The following RBM26 variants were observed in gnomAD, a reference collection of about 807,000 sequenced individuals.
RBM26 encodes RNA-binding protein 26.
RBM26 carries 30 observed loss-of-function variants against 123.6 expected under a neutral mutation model. The observed-to-expected ratio is 0.24, with a 90% CI of 0.18 to 0.33. The LOEUF is 0.33. RBM26 is among the 10% of genes least tolerant of loss of function. The pLI is 1.00. For synonymous variants in RBM26, 400 were observed against 404.4 expected (o/e 0.99, Z 0.13); for missense variants, 947 against 1,203.6 (o/e 0.79, Z 3.15).
chr13:79,401,842 A>G (rs1267387767), intron 1 of RBM26, among the ~76,000 whole-genome samples: 1 of 152,350 alleles, frequency 6.6e-6, no homozygotes, highest in African/African-American at 2.4e-5. Context: ...ATCTGGACAC[A>G]GAGATCTTCC....
chr13:79,320,911 T>A lies in RBM26; in HGVS notation c.2935-201A>T, dbSNP rs112708297. 5.9e-5 allele frequency among the ~76,000 whole-genome samples: 9 copies of A among 151,460 alleles called. 1 individual carries two copies. The South Asian group carries it at 1.7e-3, about 28-fold the overall frequency. ...TATATGATCTATTCTATTGCTTGCATGAAACACACTAAACAAATATCAAAT... is the reference window on the plus strand; with the variant it reads ...TATATGATCTATTCTATTGCTTGCAAGAAACACACTAAACAAATATCAAAT... On this transcript the variant is annotated intron_variant, in intron 21 of 21. Coordinates refer to ENST00000438737, the MANE Select transcript of RBM26 (RefSeq NM_001366735.2).
At chr13:79,328,368 C>T (rs1293777857) in intron 20 of RBM26, among the ~76,000 whole-genome samples, 1 of 151,682 alleles carries the variant, frequency 6.6e-6, no homozygotes, top group Non-Finnish European at 1.5e-5. Context: ...TCACATAAGC[C>T]TGGAAAAACT....
chr13:79,364,440 T>C (rs9545087), intron 9 of RBM26, among the ~76,000 whole-genome samples: 44,753 of 152,090 alleles, frequency 0.29, 8,095 homozygotes, highest in Non-Finnish European at 0.41. Flanking sequence ...AGCATGATTT[T>C]TTAATTCTGA....
At chr13:79,371,728 C>T (rs924129925) in intron 4 of RBM26, 114 bp downstream of exon 4, 4 of 703,190 alleles carry the variant, frequency 5.7e-6, no homozygotes, top group Non-Finnish European at 9.7e-6. Context: ...TTTTCCTAGA[C>T]CAATAAAAGA....
chr13:79,313,873 C>T (rs1448250637), downstream of RBM26: 2 of 128,462 alleles, frequency 1.6e-5, no homozygotes, highest in African/African-American at 2.8e-5. Flanking sequence ...AGCTTTGCAC[C>T]AAAAAAAAAA....
chr13:79,345,366 C>G (rs1482857392), intron 14 of RBM26, among the ~76,000 whole-genome samples: 1 of 151,868 alleles, frequency 6.6e-6, no homozygotes, highest in East Asian at 1.9e-4. Flanking sequence ...TCTTTTCTAC[C>G]TAGGTCCTTA....
chr13:79,403,848 C>A (rs1028983962), intron 1 of RBM26, among the ~76,000 whole-genome samples: 1 of 152,174 alleles, frequency 6.6e-6, no homozygotes, highest in Non-Finnish European at 1.5e-5. Flanking sequence ...CAATGACTTC[C>A]ACTTTGCTAA....
chr13:79,378,401 G>A (rs912104555), intron 2 of RBM26, among the ~76,000 whole-genome samples: 1 of 152,036 alleles, frequency 6.6e-6, no homozygotes, highest in Admixed American at 6.6e-5. Flanking sequence ...GCTTCTTACC[G>A]AGTTCCTTTA....
intron 14 of RBM26, 103 bp from the exon 15 acceptor site, chr13:79,344,897 C>T (rs1288750234): frequency 2.0e-6 from 2 of 1,022,450 alleles, no homozygotes; most frequent in African/African-American, 1.7e-5. Context: ...ACTTCAGCTT[C>T]AAAACACACT....
intron 3 of RBM26, among the ~76,000 whole-genome samples, chr13:79,372,850 TA>T (rs1329290559): frequency 0.016 from 1,482 of 91,634 alleles, 399 homozygotes; most frequent in African/African-American, 0.06. Context: ...TATTATATAT[TA>T]TATAAATATA....
downstream of RBM26, among the ~76,000 whole-genome samples, chr13:79,316,383 T>C (rs1374802116): frequency 7.2e-6 from 1 of 139,034 alleles, no homozygotes; most frequent in Non-Finnish European, 1.6e-5. Context: ...ACATGCCAAA[T>C]AAGCAACTGT....
At position 79,319,423 on chromosome 13, in the gene RBM26, T is replaced by A; in HGVS notation, c.*1198A>T. 1.0e-6 allele frequency: 1 copy of A among 984,564 alleles called. No individual in the cohort carries two copies. 61.0% of individuals were successfully genotyped at this position (984,564 alleles called of 1,614,324 possible). A position where few individuals can be genotyped will look rare whatever the true frequency, so the allele number is the denominator to read the frequency against. ...GCCATATCAACTTTCAATGATCATGTTCACTTGCAAAAGAAATCCACTTAA... is the reference window on the plus strand; with the variant it reads ...GCCATATCAACTTTCAATGATCATGATCACTTGCAAAAGAAATCCACTTAA... On this transcript the variant is annotated 3_prime_UTR_variant, in exon 22 of 22. Coordinates refer to ENST00000438737, the MANE Select transcript of RBM26 (RefSeq NM_001366735.2).
At position 79,342,838 on chromosome 13, in the gene RBM26, A is replaced by T. The variant is rs3742118; in HGVS notation, c.2260-7T>A. On this transcript the variant is annotated splice_region_variant and splice_polypyrimidine_tract_variant and intron_variant, in intron 16 of 21. Transcript: ENST00000438737. ...CCAGTTTTGAAATTAACATCTGCCA[A>T]ATTTTTAAAAAGAGAAAAATAAAGC... 756,977 of 1,539,998 alleles carry T rather than the reference A, an allele frequency of 0.49. 189,416 individuals carry two copies. Among genetic ancestry groups the T allele is most frequent in the African/African-American group, 0.56 (40,166 of 72,018 alleles).
intron 14 of RBM26, 21 bp downstream of exon 14, chr13:79,353,132 A>G (rs371468915): frequency 2.3e-5 from 35 of 1,497,380 alleles, no homozygotes; most frequent in Non-Finnish European, 2.9e-5. Flanking sequence ...CAAGACAAAC[A>G]CATCATGCTA....
At chr13:79,392,814 A>G (rs2140426837) in intron 1 of RBM26, among the ~76,000 whole-genome samples, 1 of 151,798 alleles carries the variant, frequency 6.6e-6, no homozygotes, top group Non-Finnish European at 1.5e-5. Context: ...AAAATCTGTA[A>G]ATGAACTAAC....
intron 9 of RBM26, among the ~76,000 whole-genome samples, chr13:79,361,956 T>A (rs1460268911): frequency 6.6e-6 from 1 of 152,168 alleles, no homozygotes; most frequent in Non-Finnish European, 1.5e-5. Flanking sequence ...AAGTCAGACC[T>A]ACAGATTTTG....
At chr13:79,376,514 C>CT (rs1177763391) in intron 3 of RBM26, 2 of 152,128 alleles carry the variant, frequency 1.3e-5, no homozygotes, top group African/African-American at 4.8e-5. Context: ...AAATTATAAT[C>CT]TTTTAACATC....
intron 14 of RBM26, among the ~76,000 whole-genome samples, chr13:79,348,763 G>T (rs1270189949): frequency 6.6e-6 from 1 of 152,288 alleles, no homozygotes; most frequent in African/African-American, 2.4e-5. Context: ...GCACACAGAT[G>T]TGCGTTCTGT....
chr13:79,391,848 C>G (rs1402969008), intron 1 of RBM26, among the ~76,000 whole-genome samples: 1 of 151,380 alleles, frequency 6.6e-6, no homozygotes, highest in Non-Finnish European at 1.5e-5. Context: ...TACAAATCAA[C>G]TTTTTAAGAA....
Sources: allele counts gnomAD v4.1 joint callset (sites outside exome capture counted in the v4.1 genomes callset), GRCh38; gene constraint gnomAD v4.1.1; transcripts MANE v1.5; gene names NCBI Gene and HGNC (gene_info 2026-07-23, HGNC 2026-07-21).